The following PAFAH1B2 variants were observed in gnomAD, a reference collection of about 807,000 sequenced individuals.
The protein encoded by PAFAH1B2 is platelet-activating factor acetylhydrolase IB subunit alpha2.
In PAFAH1B2, 8 loss-of-function variants were observed where a neutral mutation model predicts 28.0. The observed-to-expected ratio is 0.29, with a 90% confidence interval of 0.17 to 0.52. PAFAH1B2 has a LOEUF of 0.52. Ranked by LOEUF, PAFAH1B2 falls within the 20% of genes least tolerant of loss-of-function variation. The pLI, the probability that PAFAH1B2 is intolerant of heterozygous loss-of-function variation, is 0.97. For synonymous variants in PAFAH1B2, 104 were observed against 103.2 expected (o/e 1.01, Z -0.05); for missense variants, 190 against 282.6 (o/e 0.67, Z 2.35).
At chr11:117,153,376 T>TG (rs1222253934) in intron 2 of PAFAH1B2, among the ~76,000 whole-genome samples, 25 of 93,490 alleles carry the variant, frequency 2.7e-4, no homozygotes, top group African/African-American at 6.4e-4. Context: ...TTTTAGTTTT[T>TG]TTTTTGTTGT....
chr11:117,163,759 T>G lies in PAFAH1B2; in HGVS notation c.289-11T>G, dbSNP rs1360904412. 1 of 1,613,154 alleles carries G rather than the reference T, an allele frequency of 6.2e-7. No individual in the cohort carries two copies. The highest frequency in any genetic ancestry group is 2.2e-5 in the East Asian group (1 of 44,852). ...TATCTTCTCCTTCCCCCCTTTTTTC[T>G]TCAATTGCAGGTCATTGTTGTCTGG... On this transcript the variant is annotated splice_polypyrimidine_tract_variant and intron_variant, in intron 4 of 5. Transcript: ENST00000527958.
At chr11:117,157,308 T>C (rs967390494) in intron 2 of PAFAH1B2, among the ~76,000 whole-genome samples, 2 of 149,246 alleles carry the variant, frequency 1.3e-5, no homozygotes, top group African/African-American at 5.1e-5. Context: ...ATATATAGTT[T>C]GTTTGTTTGT....
chr11:117,167,514 A>G lies in PAFAH1B2; in HGVS notation c.505A>G (p.Asn169Asp), dbSNP rs1479844829. 6.2e-7 allele frequency: 1 copy of G among 1,612,768 alleles called. No homozygotes were observed. The highest frequency in any genetic ancestry group is 8.5e-7 in the Non-Finnish European group (1 of 1,179,142). Residue 169 changes from asparagine to aspartate, a missense_variant, in exon 6 of 6, where the codon AAC (asparagine) becomes GAC (aspartate). Physicochemically the swap from Asn to Asp is conservative, Grantham distance 23 (BLOSUM62 1). Coordinates refer to ENST00000527958, the MANE Select transcript of PAFAH1B2 (RefSeq NM_002572.4). ...LLKVSLPKLANVQLLDTDGGF... is the reference protein window; with the variant it reads ...LLKVSLPKLADVQLLDTDGGF... ...CAAGGTTTCGCTGCCGAAGCTTGCCAACGTGCAGCTCCTGGATACCGACGG... is the reference window on the plus strand; with the variant it reads ...CAAGGTTTCGCTGCCGAAGCTTGCCGACGTGCAGCTCCTGGATACCGACGG...
chr11:117,164,850 A>T lies in PAFAH1B2; in HGVS notation c.411+958A>T, dbSNP rs1208127457. ...GGATTTCAAGACCAGCCTGGCCAAG[A>T]TGGTGAAACTTCGTCTCTACTAAAA... is the stretch of plus-strand genomic sequence containing the variant. On this transcript the variant is annotated intron_variant, in intron 5 of 5. Coordinates refer to ENST00000527958, the MANE Select transcript of PAFAH1B2 (RefSeq NM_002572.4). Among the ~76,000 whole-genome samples, 3 of 151,978 alleles carry T rather than the reference A, an allele frequency of 2.0e-5. No homozygotes were observed. In the East Asian group the frequency reaches 5.9e-4, roughly 30 times the overall value.
At chr11:117,171,263 A>G (rs1012126985), downstream of PAFAH1B2, among the ~76,000 whole-genome samples, 13 of 152,186 alleles carry the variant, frequency 8.5e-5, no homozygotes, top group Admixed American at 7.2e-4. Flanking sequence ...AGAAAGCACA[A>G]CTGCCATCCT....
Position 117,162,812 on chromosome 11 carries a change from CTT to C in PAFAH1B2, c.289-955_289-954del, listed in dbSNP as rs201484285. Among the ~76,000 whole-genome samples, 976 of 151,966 alleles carry C rather than the reference CTT, an allele frequency of 6.4e-3. 6 individuals are homozygous for C. Among genetic ancestry groups the C allele is most frequent in the African/African-American group, 0.022 (911 of 41,456 alleles). ...GCATCCAGCCTCCACCTCTGTGACT[CTT>C]TTCCTTGAGTGTACCTGTGTATTTA... On this transcript the variant is annotated intron_variant, in intron 4 of 5. Coordinates refer to ENST00000527958, the MANE Select transcript of PAFAH1B2 (RefSeq NM_002572.4).
At chr11:117,165,614 T>C (rs191877203) in intron 5 of PAFAH1B2, among the ~76,000 whole-genome samples, 58 of 152,266 alleles carry the variant, frequency 3.8e-4, no homozygotes, top group African/African-American at 1.3e-3. Flanking sequence ...GTGTGCTGTT[T>C]AGAGTAAGGT....
chr11:117,170,196 G>A lies in PAFAH1B2; in HGVS notation c.*2497G>A, dbSNP rs1331612487. The A allele has an allele frequency of 2.5e-5, 26 of 1,056,928 alleles. No individual in the cohort carries two copies. Among genetic ancestry groups the A allele is most frequent in the Non-Finnish European group, 3.0e-5 (26 of 874,254 alleles). The allele number at this position is 1,056,928 out of a possible 1,614,324, so 65.5% of individuals were successfully genotyped here. ...TGACAGAACTTACTGCTTAGTCTTT[G>A]TACTTTTTAAAAAATCTATAAATTT... On this transcript the variant is annotated 3_prime_UTR_variant, in exon 6 of 6. Coordinates refer to ENST00000527958, the MANE Select transcript of PAFAH1B2 (RefSeq NM_002572.4).
At chr11:117,159,021 T>C (rs1027474955) in intron 2 of PAFAH1B2, among the ~76,000 whole-genome samples, 2 of 152,324 alleles carry the variant, frequency 1.3e-5, no homozygotes, top group African/African-American at 4.8e-5. Context: ...TGCATTCTAC[T>C]TCACAAGTGG....
At position 117,169,699 on chromosome 11, in the gene PAFAH1B2, C is replaced by G; in HGVS notation, c.*2000C>G. ...ACTTGTTTACGACATTAAAAATTTCCTTTTTATTTTTAGTAGCCCAGGTTG... is the reference window on the plus strand; with the variant it reads ...ACTTGTTTACGACATTAAAAATTTCGTTTTTATTTTTAGTAGCCCAGGTTG... On this transcript the variant is annotated 3_prime_UTR_variant, in exon 6 of 6. Coordinates refer to ENST00000527958, the MANE Select transcript of PAFAH1B2 (RefSeq NM_002572.4). 1 of 1,056,582 alleles carries G rather than the reference C, an allele frequency of 9.5e-7. No individual in the cohort carries two copies. Among genetic ancestry groups the G allele is most frequent in the Non-Finnish European group, 1.1e-6 (1 of 873,932 alleles). The allele number at this position is 1,056,582 out of a possible 1,614,324, so 65.5% of individuals were successfully genotyped here.
At position 117,163,813 on chromosome 11, in the gene PAFAH1B2, C is replaced by A; in HGVS notation, c.332C>A (p.Ala111Glu). ...GGAACAAATAACCACGAAAATACAG[C>A]AGAAGAAGTAGCAGGTGGGATCGAG... ...WVGTNNHENT[A>E]EEVAGGIEAI... Residue 111 changes from alanine (A) to glutamate (E), a missense_variant, in exon 5 of 6, where the codon GCA becomes GAA. Ala to Glu is a moderately radical substitution (Grantham distance 107). Coordinates refer to ENST00000527958, the MANE Select transcript of PAFAH1B2 (RefSeq NM_002572.4). 1 of 1,613,870 alleles carries A rather than the reference C, an allele frequency of 6.2e-7. No individual in the cohort carries two copies. The highest frequency in any genetic ancestry group is 8.5e-7 in the Non-Finnish European group (1 of 1,179,842).
downstream of PAFAH1B2, chr11:117,171,614 G>A (rs777684335): frequency 3.4e-4 from 347 of 1,033,630 alleles, no homozygotes; most frequent in Non-Finnish European, 1.1e-4. Flanking sequence ...TCACCCTTAC[G>A]TCCCCAGGGT....
chr11:117,172,431 C>T (rs1284838670), downstream of PAFAH1B2, among the ~76,000 whole-genome samples: 24 of 110,492 alleles, frequency 2.2e-4, no homozygotes, highest in Admixed American at 3.0e-4. Context: ...TTTTTTTTTA[C>T]ATTCTGGTCA....
At chr11:117,151,495 C>T (rs1449192536) in intron 1 of PAFAH1B2, among the ~76,000 whole-genome samples, 1 of 152,036 alleles carries the variant, frequency 6.6e-6, no homozygotes, top group Non-Finnish European at 1.5e-5. Context: ...TCCCAAAGTG[C>T]TGGGATTACA....
At chr11:117,167,184 G>A (rs1352396163) in intron 5 of PAFAH1B2, among the ~76,000 whole-genome samples, 1 of 150,326 alleles carries the variant, frequency 6.7e-6, no homozygotes, top group Non-Finnish European at 1.5e-5. Flanking sequence ...TAGAGTAGTG[G>A]GCCAGAGGAC....
intron 2 of PAFAH1B2, among the ~76,000 whole-genome samples, chr11:117,154,124 A>AG (rs1956213801): frequency 6.6e-6 from 1 of 150,792 alleles, no homozygotes; most frequent in South Asian, 2.1e-4. Flanking sequence ...AAAAAGAAAA[A>AG]AAAGAAGTAT....
At chr11:117,155,083 G>C (rs1956230123) in intron 2 of PAFAH1B2, among the ~76,000 whole-genome samples, 1 of 152,136 alleles carries the variant, frequency 6.6e-6, no homozygotes, top group South Asian at 2.1e-4. Flanking sequence ...CTCCTGAATA[G>C]CTGGGATTAC....
downstream of PAFAH1B2, chr11:117,175,634 A>ACTT: frequency 5.6e-6 from 7 of 1,242,802 alleles, no homozygotes; most frequent in Non-Finnish European, 7.1e-6. Flanking sequence ...TGGTTCTCAA[A>ACTT]CTTCATTGTG....
rs932158136 is a variant in PAFAH1B2, at chr11:117,171,009, G to T, written c.*3310G>T. On this transcript the variant is annotated 3_prime_UTR_variant, in exon 6 of 6. Transcript: ENST00000527958. ...GACTAGTAGAACTCATTCTGTTTTAGTGTATATTTCAATATAAATGTAAAC... is the reference window on the plus strand; with the variant it reads ...GACTAGTAGAACTCATTCTGTTTTATTGTATATTTCAATATAAATGTAAAC... 8.6e-6 allele frequency: 9 copies of T among 1,040,528 alleles called. No individual in the cohort carries two copies. The highest frequency in any genetic ancestry group is 5.0e-5 in the African/African-American group (3 of 59,798). 64.5% of individuals were successfully genotyped at this position (1,040,528 alleles called of 1,614,324 possible). A position where few individuals can be genotyped will look rare whatever the true frequency, so the allele number is the denominator to read the frequency against.
Sources: allele counts gnomAD v4.1 joint callset (sites outside exome capture counted in the v4.1 genomes callset), GRCh38; gene constraint gnomAD v4.1.1; transcripts MANE v1.5; gene names NCBI Gene and HGNC (gene_info 2026-07-23, HGNC 2026-07-21).